The following DLGAP2 variants were observed in gnomAD, a reference collection of about 807,000 sequenced individuals.
DLGAP2 encodes the protein DLG associated protein 2.
In DLGAP2, 26 loss-of-function variants were observed where a neutral mutation model predicts 100.3. The ratio of observed to expected loss-of-function variants is 0.26; its 90% CI spans 0.19 to 0.36. DLGAP2 has a LOEUF of 0.36. DLGAP2 is among the 10% of genes least tolerant of loss of function. The pLI, the probability that DLGAP2 is intolerant of heterozygous loss-of-function variation, is 1.00. For missense variants in DLGAP2, 1,858 were observed against 1,453.2 expected (o/e 1.28, Z -4.53); for synonymous variants, 886 against 630.1 (o/e 1.41, Z -6.08).
chr8:1,381,319 A>C (rs778428603), intron 3 of DLGAP2: 2 of 152,242 alleles, frequency 1.3e-5, no homozygotes, highest in African/African-American at 2.4e-5. Flanking sequence ...AATGTTAGCA[A>C]AGACATGAAA....
intron 3 of DLGAP2, 68 bp downstream of exon 3, chr8:1,258,951 A>C: frequency 8.4e-7 from 1 of 1,192,234 alleles, no homozygotes; most frequent in Non-Finnish European, 1.1e-6. Context: ...GGCTGGCAAC[A>C]GTCTACCATG....
intron 2 of DLGAP2, among the ~76,000 whole-genome samples, chr8:1,040,352 GGCTCAGTGTGCGTGGTCA>G (rs1314383295): frequency 1.5e-5 from 2 of 136,038 alleles, no homozygotes; most frequent in Non-Finnish European, 3.1e-5. Context: ...GTGCGTGGTC[GGCTCAGTGTGCGTGGTCA>G]GCTTGGTTTC....
chr8:1,161,571 G>A (rs965346252), intron 2 of DLGAP2, among the ~76,000 whole-genome samples: 3 of 152,306 alleles, frequency 2.0e-5, no homozygotes, highest in Admixed American at 6.5e-5. Flanking sequence ...GAAAATCGGC[G>A]CCTTCCCAAA....
rs534243284 is a variant in DLGAP2, at chr8:1,239,386, CGTG to C, written c.74-19461_74-19459del. On this transcript the variant is annotated intron_variant, in intron 2 of 14. Coordinates refer to ENST00000637795, the MANE Select transcript of DLGAP2 (RefSeq NM_001346810.2). ...CATGGCGCCGTGTCTAGTTCTCTCA[CGTG>C]GTGCCGTGTCTAGTTCTCTCACATG... Among the ~76,000 whole-genome samples the C allele has an allele frequency of 4.8e-4, 11 of 23,088 alleles. 2 individuals are homozygous for C. In the East Asian group the frequency reaches 0.01, roughly 21 times the overall value. The allele number at this position is 23,088 out of a possible 152,430, so 15.1% of individuals were successfully genotyped here. A position where few individuals can be genotyped will look rare whatever the true frequency, so the allele number is the denominator to read the frequency against.
At chr8:1,316,598 G>A (rs371122801) in intron 3 of DLGAP2, among the ~76,000 whole-genome samples, 23 of 134,346 alleles carry the variant, frequency 1.7e-4, no homozygotes, top group South Asian at 9.7e-4. Context: ...CGAGACACTC[G>A]GCAGCGTTTA....
intron 4 of DLGAP2, among the ~76,000 whole-genome samples, chr8:1,508,221 G>A (rs968104651): frequency 2.0e-5 from 3 of 150,464 alleles, no homozygotes; most frequent in South Asian, 2.1e-4. Flanking sequence ...TAAACATCAC[G>A]CGTCCCATTC....
intron 3 of DLGAP2, among the ~76,000 whole-genome samples, chr8:1,343,350 C>G (rs1456669370): frequency 6.6e-6 from 1 of 152,162 alleles, no homozygotes; most frequent in Non-Finnish European, 1.5e-5. Context: ...ATACATAGGA[C>G]AAGACTCACA....
intron 1 of DLGAP2, among the ~76,000 whole-genome samples, chr8:774,082 A>G (rs74405477): frequency 0.14 from 21,746 of 152,024 alleles, 2,155 homozygotes; most frequent in East Asian, 0.55. Flanking sequence ...TTTGATTTGC[A>G]TTTCTCTGAT....
chr8:1,581,700 C>G (rs559750846), intron 6 of DLGAP2, among the ~76,000 whole-genome samples: 1 of 151,152 alleles, frequency 6.6e-6, no homozygotes, highest in Non-Finnish European at 1.5e-5. Flanking sequence ...ATATACACAC[C>G]GCAGTCAAAC....
At chr8:1,639,169 G>A (rs1797838594) in intron 8 of DLGAP2, among the ~76,000 whole-genome samples, 1 of 152,068 alleles carries the variant, frequency 6.6e-6, no homozygotes, top group Non-Finnish European at 1.5e-5. Flanking sequence ...TGGAGGTGCG[G>A]TCCAGAGCCA....
In DLGAP2 at chr8:1,238,535, G is replaced by C. The variant is rs539635450; in HGVS notation, c.74-20316G>C. On this transcript the variant is annotated intron_variant, in intron 2 of 14. Coordinates refer to ENST00000637795, the MANE Select transcript of DLGAP2 (RefSeq NM_001346810.2). ...GTTCTCTCACATGGCGCCGTGTCTG[G>C]TTCTCTCACATGGTGCCGTGTCTAG... 1.8e-3 allele frequency among the ~76,000 whole-genome samples: 189 copies of C among 105,342 alleles called. 8 individuals carry two copies. Among genetic ancestry groups the C allele is most frequent in the Non-Finnish European group, 6.2e-4 (31 of 49,842 alleles). The allele number at this position is 105,342 out of a possible 152,430, so 69.1% of individuals were successfully genotyped here.
chr8:1,515,889 A>T (rs978515230), intron 4 of DLGAP2, among the ~76,000 whole-genome samples: 4 of 152,146 alleles, frequency 2.6e-5, no homozygotes, highest in Non-Finnish European at 4.4e-5. Flanking sequence ...TCACAGAGGG[A>T]TGGGCTTATT....
intron 6 of DLGAP2, among the ~76,000 whole-genome samples, chr8:1,610,013 G>C (rs200265409): frequency 0.27 from 40,364 of 151,128 alleles, 6,201 homozygotes; most frequent in East Asian, 0.49. Context: ...CCCAGGAATT[G>C]AACTCAGCTC....
chr8:1,182,715 T>C (rs1297211883), intron 2 of DLGAP2, among the ~76,000 whole-genome samples: 3 of 152,182 alleles, frequency 2.0e-5, no homozygotes, highest in Non-Finnish European at 2.9e-5. Flanking sequence ...ACGTCTGCGC[T>C]GCCCTGAGAC....
chr8:751,772 A>G (rs754727574), intron 1 of DLGAP2, among the ~76,000 whole-genome samples: 2 of 152,084 alleles, frequency 1.3e-5, no homozygotes, highest in Non-Finnish European at 1.5e-5. Flanking sequence ...GTAAGTCCTT[A>G]TAGTAAGTTC....
intron 3 of DLGAP2, among the ~76,000 whole-genome samples, chr8:1,285,910 A>T (rs546338016): frequency 4.5e-4 from 69 of 152,330 alleles, no homozygotes; most frequent in Middle Eastern, 6.8e-3. Context: ...CTGAGCTGTG[A>T]TTGCACCACT....
intron 2 of DLGAP2, among the ~76,000 whole-genome samples, chr8:1,231,104 T>A (rs1270512069): frequency 1.3e-5 from 2 of 151,996 alleles, no homozygotes; most frequent in African/African-American, 4.8e-5. Flanking sequence ...CAAGCTATGG[T>A]CTAATACACA....
At chr8:1,387,976 C>T (rs1002227109) in intron 3 of DLGAP2, among the ~76,000 whole-genome samples, 7 of 152,210 alleles carry the variant, frequency 4.6e-5, no homozygotes, top group Non-Finnish European at 7.3e-5. Flanking sequence ...AGGTCCCCAG[C>T]GCGTGAGCAA....
chr8:1,204,864 A>G (rs1011358116), intron 2 of DLGAP2, among the ~76,000 whole-genome samples: 2 of 152,218 alleles, frequency 1.3e-5, no homozygotes, highest in African/African-American at 4.8e-5. Context: ...GGCCTTGAAC[A>G]CCGGCCCTCT....
Sources: allele counts gnomAD v4.1 joint callset (sites outside exome capture counted in the v4.1 genomes callset), GRCh38; gene constraint gnomAD v4.1.1; transcripts MANE v1.5; gene names NCBI Gene and HGNC (gene_info 2026-07-23, HGNC 2026-07-21).